IGF2BP3: variants seen among roughly 807,000 people sequenced by gnomAD.
The protein encoded by IGF2BP3 is insulin like growth factor 2 mRNA binding protein 3.
Under a neutral mutation model 73.8 loss-of-function variants are expected in IGF2BP3, and 9 were observed. The ratio of observed to expected loss-of-function variants is 0.12; its 90% CI spans 0.07 to 0.21. The LOEUF (loss-of-function observed/expected upper bound fraction) is 0.21, where lower values mean the gene tolerates loss of function less well. Ranked by LOEUF, IGF2BP3 falls within the 10% of genes least tolerant of loss-of-function variation. The pLI, the probability that IGF2BP3 is intolerant of heterozygous loss-of-function variation, is 1.00. For missense variants in IGF2BP3, 542 were observed against 714.0 expected (o/e 0.76, Z 2.75); for synonymous variants, 258 against 256.7 (o/e 1.01, Z -0.05).
At chr7:23,355,872 G>A (rs1785083851) in intron 5 of IGF2BP3, among the ~76,000 whole-genome samples, 1 of 151,326 alleles carries the variant, frequency 6.6e-6, no homozygotes, top group South Asian at 2.1e-4. Flanking sequence ...GGCGGAGGTT[G>A]CAGTGAGCCA....
chr7:23,463,084 A>G (rs1788487287), intron 2 of IGF2BP3, among the ~76,000 whole-genome samples: 1 of 152,234 alleles, frequency 6.6e-6, no homozygotes. Context: ...TTGATAAAGG[A>G]AACTCAGCTA....
chr7:23,354,689 T>C (rs1436963202), intron 5 of IGF2BP3, among the ~76,000 whole-genome samples: 13 of 152,226 alleles, frequency 8.5e-5, no homozygotes, highest in Admixed American at 8.5e-4. Flanking sequence ...TAAAAAGATT[T>C]TTCTTTGTGG....
At chr7:23,317,895 C>T (rs1784034548) in intron 11 of IGF2BP3, 182 bp from the exon 12 acceptor site, 4 of 614,950 alleles carry the variant, frequency 6.5e-6, no homozygotes, top group Non-Finnish European at 5.9e-6. Flanking sequence ...CCTGCATATA[C>T]TATATGCTTA....
At chr7:23,412,947 C>T (rs1787075364) in intron 3 of IGF2BP3, among the ~76,000 whole-genome samples, 1 of 145,044 alleles carries the variant, frequency 6.9e-6, no homozygotes, top group Non-Finnish European at 1.5e-5. Flanking sequence ...GCAACCTCCG[C>T]CTCCCGGGTT....
intron 2 of IGF2BP3, among the ~76,000 whole-genome samples, chr7:23,431,658 G>C (rs1414903099): frequency 6.6e-6 from 1 of 152,056 alleles, no homozygotes; most frequent in Admixed American, 6.6e-5. Flanking sequence ...AAGATTACAA[G>C]GTCCCCTACA....
At chr7:23,318,395 CTT>C (rs111828897) in intron 11 of IGF2BP3, among the ~76,000 whole-genome samples, 1 of 148,758 alleles carries the variant, frequency 6.7e-6, no homozygotes, top group South Asian at 2.1e-4. Context: ...GCTAATTACA[CTT>C]TTTTTTTTGT....
chr7:23,400,558 A>G (rs906292740), intron 3 of IGF2BP3, among the ~76,000 whole-genome samples: 1 of 152,244 alleles, frequency 6.6e-6, no homozygotes, highest in African/African-American at 2.4e-5. Flanking sequence ...AAGGCACGTG[A>G]TAAAAGCACA....
At chr7:23,377,569 T>C (rs1465960293) in intron 3 of IGF2BP3, among the ~76,000 whole-genome samples, 1 of 152,228 alleles carries the variant, frequency 6.6e-6, no homozygotes, top group Admixed American at 6.5e-5. Flanking sequence ...AACTGTCTGG[T>C]TGTTCTTCAA....
intron 2 of IGF2BP3, among the ~76,000 whole-genome samples, chr7:23,446,111 C>T (rs1376927743): frequency 6.6e-6 from 1 of 152,180 alleles, no homozygotes; most frequent in African/African-American, 2.4e-5. Context: ...AGAATACCAC[C>T]ACGTTAATAC....
intron 2 of IGF2BP3, among the ~76,000 whole-genome samples, chr7:23,430,548 G>C (rs1436115629): frequency 1.3e-5 from 2 of 152,176 alleles, no homozygotes; most frequent in African/African-American, 4.8e-5. Context: ...CTAAACCTAT[G>C]TCCAAAGAGG....
intron 10 of IGF2BP3, among the ~76,000 whole-genome samples, chr7:23,327,076 T>A (rs144221675): frequency 0.035 from 5,131 of 145,962 alleles, 104 homozygotes; most frequent in Middle Eastern, 0.095. Context: ...ATAAATAAAT[T>A]AATTAATTAA....
chr7:23,335,582 T>G (rs576465403), intron 10 of IGF2BP3, among the ~76,000 whole-genome samples: 1 of 152,232 alleles, frequency 6.6e-6, no homozygotes, highest in African/African-American at 2.4e-5. Flanking sequence ...TGGCCCTTTG[T>G]TTCTTAAAGA....
At chr7:23,453,762 AT>A (rs1788253617) in intron 2 of IGF2BP3, among the ~76,000 whole-genome samples, 1 of 152,114 alleles carries the variant, frequency 6.6e-6, no homozygotes, top group African/African-American at 2.4e-5. Context: ...AATCTTATTC[AT>A]TTTTCTCCAA....
At position 23,328,917 on chromosome 7, in the gene IGF2BP3, T is replaced by A. The variant is rs918675331; in HGVS notation, c.1204-9663A>T. ...ATGAGTAAAAAAAATGTAGTAAAAATTTAAAACAAGAGCCGGGCGCGGTGG... is the reference window on the plus strand; with the variant it reads ...ATGAGTAAAAAAAATGTAGTAAAAAATTAAAACAAGAGCCGGGCGCGGTGG... On this transcript the variant is annotated intron_variant, in intron 10 of 14. Transcript: ENST00000258729. Among the ~76,000 whole-genome samples the A allele has an allele frequency of 3.3e-5, 5 of 152,002 alleles. No individual in the cohort carries two copies. The South Asian group carries it at 1.0e-3, about 32-fold the overall frequency.
intron 10 of IGF2BP3, among the ~76,000 whole-genome samples, chr7:23,327,761 G>A (rs1175718267): frequency 4.0e-5 from 6 of 151,798 alleles, no homozygotes; most frequent in South Asian, 2.1e-4. Flanking sequence ...ATTTAATGTC[G>A]GACTACCAAA....
intron 2 of IGF2BP3, 57 bp downstream of exon 2, chr7:23,468,425 T>G (rs1788620891): frequency 1.3e-6 from 2 of 1,569,458 alleles, no homozygotes; most frequent in African/African-American, 2.7e-5. Flanking sequence ...CAGCTGAGTC[T>G]CTCCACCCAA....
rs1231107845 is a variant in IGF2BP3, at chr7:23,342,110, G to A, written c.1157C>T (p.Thr386Ile). Residue 386 changes from threonine (T) to isoleucine (I), a missense_variant, in exon 10 of 15, where the codon ACC (threonine) becomes ATC (isoleucine). Transcript: ENST00000258729. ...AGTCATGGCTGAAGGGGGCCCTGAG[G>A]TGGGAGGTGGCATCCCTGAAGTGGG... ...FPPTSGMPPP[T>I]SGPPSAMTPP... is the part of the protein sequence containing the mutation. The A allele has an allele frequency of 1.2e-6, 2 of 1,608,628 alleles. No individual in the cohort carries two copies. The highest frequency in any genetic ancestry group is 1.7e-6 in the Non-Finnish European group (2 of 1,178,432).
chr7:23,314,225 C>T (rs960954147), intron 12 of IGF2BP3, among the ~76,000 whole-genome samples: 7 of 151,500 alleles, frequency 4.6e-5, no homozygotes, highest in Non-Finnish European at 1.0e-4. Flanking sequence ...CTTTGTTGCC[C>T]AGGCTGGAGT....
At chr7:23,436,887 G>A (rs146934782) in intron 2 of IGF2BP3, among the ~76,000 whole-genome samples, 3,862 of 152,274 alleles carry the variant, frequency 0.025, 186 homozygotes, top group African/African-American at 0.089. Context: ...AGGCCAAGGC[G>A]GGTGGATTAC....
Sources: gnomAD v4.1 joint callset for allele counts (sites outside exome capture counted in the v4.1 genomes callset) on GRCh38, gnomAD v4.1.1 for gene constraint, MANE v1.5 for transcripts, NCBI Gene and HGNC (gene_info 2026-07-23, HGNC 2026-07-21) for gene names.